The following PMVK variants were observed in gnomAD, a reference collection of about 807,000 sequenced individuals.
PMVK encodes the protein testis tissue sperm-binding protein Li 95mP.
PMVK carries 10 observed loss-of-function variants against 19.0 expected under a neutral mutation model. That is an observed-to-expected ratio of 0.53 (90% confidence interval 0.32 to 0.89). The LOEUF (loss-of-function observed/expected upper bound fraction) is 0.89, where lower values mean the gene tolerates loss of function less well. Ranked by LOEUF, PMVK falls within the 40% of genes least tolerant of loss-of-function variation. The probability of loss-of-function intolerance (pLI) is 0.03; values close to 1 mark genes in which losing one functional copy is unlikely to be tolerated. For synonymous variants in PMVK, 108 were observed against 101.6 expected, an observed-to-expected ratio of 1.06 and a Z score of -0.38; for missense variants, 222 against 251.1, an observed-to-expected ratio of 0.88 and a Z score of 0.78.
intron 3 of PMVK, 28 bp downstream of exon 3, chr1:154,928,996 T>A: frequency 6.2e-7 from 1 of 1,606,580 alleles, no homozygotes; most frequent in East Asian, 2.2e-5. Context: ...AAACAGGTGT[T>A]CTTCATGCTG....
chr1:154,935,219 T>TGAG (rs1488367095), intron 1 of PMVK, among the ~76,000 whole-genome samples: 1 of 151,540 alleles, frequency 6.6e-6, no homozygotes, highest in African/African-American at 2.4e-5. Context: ...GGTTTGGAGG[T>TGAG]GAGGAGAAAT....
At chr1:154,939,550 G>T (rs940465055), upstream of PMVK, among the ~76,000 whole-genome samples, 2 of 151,252 alleles carry the variant, frequency 1.3e-5, no homozygotes, top group Admixed American at 1.3e-4. Context: ...AAACAAAACA[G>T]CCAAGCGTGG....
intron 1 of PMVK, among the ~76,000 whole-genome samples, chr1:154,933,329 A>G (rs1654397213): frequency 6.6e-6 from 1 of 151,462 alleles, no homozygotes; most frequent in Admixed American, 6.6e-5. Flanking sequence ...GCTACTCGGG[A>G]GGCTGAGGCA....
chr1:154,925,086 C>CACCAGG lies in PMVK; in HGVS notation c.*42_*43insCCTGGT. 1 of 1,406,678 alleles carries CACCAGG rather than the reference C, an allele frequency of 7.1e-7. No individual in the cohort carries two copies. Among genetic ancestry groups the CACCAGG allele is most frequent in the Non-Finnish European group, 9.8e-7 (1 of 1,023,000 alleles). The allele number at this position is 1,406,678 out of a possible 1,614,324, so 87.1% of individuals were successfully genotyped here. Reference sequence around the variant, plus strand: ...CCCCCATTTTGCAGAGTCAGCCCCACCCCCACCTCAGCAGGCCCCAGCTCA... The same window carrying CACCAGG: ...CCCCCATTTTGCAGAGTCAGCCCCACACCAGGCCCCACCTCAGCAGGCCCCAGCTCA... On this transcript the variant is annotated 3_prime_UTR_variant, in exon 5 of 5. Coordinates refer to ENST00000368467, the MANE Select transcript of PMVK (RefSeq NM_006556.4).
upstream of PMVK, among the ~76,000 whole-genome samples, chr1:154,939,956 T>C (rs889424682): frequency 4.6e-5 from 7 of 151,294 alleles, no homozygotes; most frequent in Non-Finnish European, 1.0e-4. Flanking sequence ...TTTTAATTTT[T>C]AGTAGAGATA....
chr1:154,925,560 T>G (rs763822024), intron 4 of PMVK, among the ~76,000 whole-genome samples: 1 of 152,242 alleles, frequency 6.6e-6, no homozygotes, highest in Non-Finnish European at 1.5e-5. Flanking sequence ...AAAAGGGCAC[T>G]GTGTTTTCAT....
upstream of PMVK, among the ~76,000 whole-genome samples, chr1:154,938,469 G>A (rs1052232528): frequency 1.3e-5 from 2 of 152,166 alleles, no homozygotes; most frequent in Admixed American, 1.3e-4. Flanking sequence ...GTGGTGGCGG[G>A]CACCTGCAAT....
intron 2 of PMVK, among the ~76,000 whole-genome samples, chr1:154,931,302 C>T (rs995403565): frequency 2.0e-5 from 3 of 152,154 alleles, no homozygotes; most frequent in Admixed American, 2.0e-4. Context: ...CAGAAGGGTG[C>T]ACCTAGAGGT....
chr1:154,938,109 CAG>C (rs1654567584), upstream of PMVK: 1 of 152,232 alleles, frequency 6.6e-6, no homozygotes, highest in African/African-American at 2.4e-5. Context: ...TCATTCAACA[CAG>C]AATCAGATTT....
At chr1:154,928,103 A>C (rs1007363982) in intron 3 of PMVK, among the ~76,000 whole-genome samples, 1 of 152,178 alleles carries the variant, frequency 6.6e-6, no homozygotes, top group Non-Finnish European at 1.5e-5. Flanking sequence ...ATGAGGAAAA[A>C]AAGGGGTAGG....
intron 1 of PMVK, among the ~76,000 whole-genome samples, chr1:154,935,051 T>C (rs1571385521): frequency 1.1e-5 from 1 of 89,024 alleles, no homozygotes; most frequent in East Asian, 3.6e-4. Context: ...AGAGCAAGAC[T>C]CCGTCTCAAA....
At position 154,935,533 on chromosome 1, in the gene PMVK, G is replaced by A. The variant is rs141301764; in HGVS notation, c.95+1058C>T. 2.4e-3 allele frequency among the ~76,000 whole-genome samples: 358 copies of A among 152,270 alleles called. 1 individual carries two copies. The highest frequency in any genetic ancestry group is 8.4e-3 in the African/African-American group (348 of 41,542). ...AAACAGAAAGAAACCAGTCCTTGGC[G>A]CAAGATAAAGTTGAATTTGTTTGGG... On this transcript the variant is annotated intron_variant, in intron 1 of 4. Transcript: ENST00000368467.
chr1:154,930,255 C>T (rs1295741544), intron 2 of PMVK, among the ~76,000 whole-genome samples: 1 of 152,092 alleles, frequency 6.6e-6, no homozygotes, highest in Non-Finnish European at 1.5e-5. Flanking sequence ...GTCAGGAGTT[C>T]AAGACCAGCC....
intron 3 of PMVK, among the ~76,000 whole-genome samples, chr1:154,928,776 A>C (rs1654246732): frequency 7.1e-6 from 1 of 140,574 alleles, no homozygotes; most frequent in Non-Finnish European, 1.5e-5. Flanking sequence ...CCATCTCAAA[A>C]ATAAATAAAT....
chr1:154,940,986 CG>C (rs1381327716), upstream of PMVK, among the ~76,000 whole-genome samples: 1 of 152,230 alleles, frequency 6.6e-6, no homozygotes, highest in Non-Finnish European at 1.5e-5. Flanking sequence ...ATCTCACCCT[CG>C]GGACAGCCTC....
Position 154,929,085 on chromosome 1 carries a change from C to A in PMVK, c.251G>T (p.Arg84Leu). The A allele has an allele frequency of 6.2e-7, 1 of 1,614,174 alleles. No individual in the cohort carries two copies. Among genetic ancestry groups the A allele is most frequent in the Non-Finnish European group, 8.5e-7 (1 of 1,180,008 alleles). The change falls in exon 3 of 5, where the codon CGC becomes CTC. Residue 84 changes from arginine (R) to leucine (L), a missense_variant. Coordinates refer to ENST00000368467, the MANE Select transcript of PMVK (RefSeq NM_006556.4). ...KDMIRWGEEK[R>L]QADPGFFCRK... ...GCAAAAGAAGCCTGGGTCAGCCTGGCGTTTCTCCTCTCCCCAGCGGATCAT... is the reference window on the plus strand; with the variant it reads ...GCAAAAGAAGCCTGGGTCAGCCTGGAGTTTCTCCTCTCCCCAGCGGATCAT...
upstream of PMVK, chr1:154,937,268 A>T (rs1001332922): frequency 1.3e-5 from 2 of 152,968 alleles, no homozygotes; most frequent in African/African-American, 2.4e-5. Context: ...GGCAGCCCTG[A>T]CGCGAGCGGC....
intron 3 of PMVK, among the ~76,000 whole-genome samples, chr1:154,926,908 G>A (rs940764274): frequency 3.3e-5 from 5 of 152,032 alleles, no homozygotes; most frequent in African/African-American, 7.2e-5. Flanking sequence ...ACCTCAACAC[G>A]GCTGAAACTC....
chr1:154,928,212 A>AG (rs1440479228), intron 3 of PMVK, among the ~76,000 whole-genome samples: 3 of 152,212 alleles, frequency 2.0e-5, no homozygotes, highest in Admixed American at 2.0e-4. Context: ...GAAGCTAACC[A>AG]GGGAAAGAGA....
Sources: gnomAD v4.1 joint callset for allele counts (sites outside exome capture counted in the v4.1 genomes callset) on GRCh38, gnomAD v4.1.1 for gene constraint, MANE v1.5 for transcripts, NCBI Gene and HGNC (gene_info 2026-07-23, HGNC 2026-07-21) for gene names.